NALF1: variants seen among roughly 807,000 people sequenced by gnomAD.
NALF1 encodes NALCN channel auxiliary factor 1.
A neutral mutation model predicts 48.4 loss-of-function variants in NALF1; 3 were observed. The ratio of observed to expected loss-of-function variants is 0.06; its 90% confidence interval spans 0.03 to 0.16. The LOEUF (loss-of-function observed/expected upper bound fraction) is 0.16, where lower values mean the gene tolerates loss of function less well. Ranked by LOEUF, NALF1 falls within the 10% of genes least tolerant of loss-of-function variation. The pLI is 1.00. For synonymous variants in NALF1, 262 were observed against 245.7 expected, an observed-to-expected ratio of 1.07 and a Z score of -0.62; for missense variants, 526 against 571.5, an observed-to-expected ratio of 0.92 and a Z score of 0.81.
chr13:107,808,672 A>ATT (rs1352681268), intron 1 of NALF1, among the ~76,000 whole-genome samples: 6 of 129,690 alleles, frequency 4.6e-5, no homozygotes, highest in East Asian at 3.9e-4. Flanking sequence ...ACAGATTTAA[A>ATT]AAAAAAAAAA....
intron 1 of NALF1, among the ~76,000 whole-genome samples, chr13:107,507,389 A>G (rs1397081925): frequency 6.6e-6 from 1 of 151,944 alleles, no homozygotes; most frequent in Non-Finnish European, 1.5e-5. Flanking sequence ...ACTAGCCCAG[A>G]GGAGATTCAT....
intron 1 of NALF1, among the ~76,000 whole-genome samples, chr13:107,685,034 G>A (rs1412957617): frequency 6.6e-6 from 1 of 152,224 alleles, no homozygotes; most frequent in Non-Finnish European, 1.5e-5. Flanking sequence ...AAACAAGAAG[G>A]CTGGGTGCAG....
intron 1 of NALF1, among the ~76,000 whole-genome samples, chr13:107,797,350 C>T (rs1046638841): frequency 6.6e-6 from 1 of 152,092 alleles, no homozygotes; most frequent in Non-Finnish European, 1.5e-5. Context: ...GGAATACAGG[C>T]GCCCACCACC....
At chr13:107,388,768 G>A (rs1054708747) in intron 1 of NALF1, among the ~76,000 whole-genome samples, 1 of 152,006 alleles carries the variant, frequency 6.6e-6, no homozygotes, top group Non-Finnish European at 1.5e-5. Context: ...AGCCTAGAAA[G>A]GGCATCAATC....
At chr13:107,330,617 C>A (rs1403217109) in intron 1 of NALF1, among the ~76,000 whole-genome samples, 1 of 152,224 alleles carries the variant, frequency 6.6e-6, no homozygotes, top group Non-Finnish European at 1.5e-5. Flanking sequence ...CACATAAGGT[C>A]TTTTTCACAG....
At chr13:107,371,619 C>G (rs543883032) in intron 1 of NALF1, among the ~76,000 whole-genome samples, 1 of 152,218 alleles carries the variant, frequency 6.6e-6, no homozygotes, top group Admixed American at 6.5e-5. Context: ...GAGACTCTTT[C>G]AACAAAGATG....
intron 1 of NALF1, among the ~76,000 whole-genome samples, chr13:107,351,134 T>C (rs371444157): frequency 1.3e-5 from 2 of 152,316 alleles, no homozygotes; most frequent in African/African-American, 4.8e-5. Flanking sequence ...AGTCTGGTGA[T>C]AAATGCAAGA....
intron 1 of NALF1, among the ~76,000 whole-genome samples, chr13:107,337,043 CAAAAAAAAAAAAAAAAAAAAAAA>C (rs60969406): frequency 2.6e-5 from 3 of 114,830 alleles, no homozygotes; most frequent in East Asian, 5.3e-4. Flanking sequence ...TTTCATTCCC[CAAAAAAAAAAAAAAAAAAAAAAA>C]AAAAAAAAAA....
chr13:107,248,832 C>T (rs564635980), intron 1 of NALF1, among the ~76,000 whole-genome samples: 4 of 150,896 alleles, frequency 2.7e-5, no homozygotes, highest in African/African-American at 9.8e-5. Context: ...TCTCATAATA[C>T]AGAGTTCAGA....
chr13:107,684,736 T>A (rs1881391569), intron 1 of NALF1, among the ~76,000 whole-genome samples: 2 of 152,228 alleles, frequency 1.3e-5, no homozygotes, highest in Admixed American at 1.3e-4. Flanking sequence ...CTAACAACAA[T>A]GAGGAATTTT....
intron 1 of NALF1, among the ~76,000 whole-genome samples, chr13:107,492,814 C>T (rs1875187137): frequency 6.6e-6 from 1 of 151,964 alleles, no homozygotes; most frequent in African/African-American, 2.4e-5. Flanking sequence ...AAAACTGGTT[C>T]AATCAGAACT....
chr13:107,762,554 A>G (rs1489397598), intron 1 of NALF1, among the ~76,000 whole-genome samples: 1 of 152,130 alleles, frequency 6.6e-6, no homozygotes, highest in Non-Finnish European at 1.5e-5. Context: ...CTAGAAAGAC[A>G]TTGTGTATGG....
chr13:107,816,183 C>A (rs1275150627), intron 1 of NALF1, among the ~76,000 whole-genome samples: 5 of 152,180 alleles, frequency 3.3e-5, no homozygotes, highest in Non-Finnish European at 7.3e-5. Flanking sequence ...CCCAACACAG[C>A]AGAATGAAAA....
rs117487499 is a variant in NALF1 at position 107,759,488 on chromosome 13, G to A, written c.915+106194C>T. Among the ~76,000 whole-genome samples the A allele has an allele frequency of 9.9e-4, 150 of 152,230 alleles. 2 individuals are homozygous for A. In the East Asian group the frequency reaches 0.025, roughly 26 times the overall value. ...TTCCCACAGTGCTGGGATTACAGGC[G>A]TGGGCCACCGCACCCTGTCTTGTGT... On this transcript the variant is annotated intron_variant, in intron 1 of 2. Coordinates refer to ENST00000375915, the MANE Select transcript of NALF1 (RefSeq NM_001080396.3).
chr13:107,669,236 T>C (rs746679756), intron 1 of NALF1, among the ~76,000 whole-genome samples: 1 of 152,116 alleles, frequency 6.6e-6, no homozygotes, highest in Non-Finnish European at 1.5e-5. Context: ...ATGCTAGCCA[T>C]AGCTTTATTT....
intron 1 of NALF1, among the ~76,000 whole-genome samples, chr13:107,406,899 G>A (rs1883909441): frequency 6.6e-6 from 1 of 152,038 alleles, no homozygotes. Context: ...AAAACAGCAT[G>A]GGACTGGTAT....
At chr13:107,613,472 A>G (rs977190064) in intron 1 of NALF1, among the ~76,000 whole-genome samples, 1 of 152,204 alleles carries the variant, frequency 6.6e-6, no homozygotes. Context: ...CTCCAAAGTC[A>G]ATGGAATATA....
intron 1 of NALF1, among the ~76,000 whole-genome samples, chr13:107,791,786 C>A (rs867684822): frequency 7.9e-5 from 12 of 151,890 alleles, no homozygotes; most frequent in East Asian, 5.9e-4. Context: ...CCCGCCCCCC[C>A]CCGTCTCTAC....
intron 1 of NALF1, among the ~76,000 whole-genome samples, chr13:107,219,996 C>A (rs1756141304): frequency 6.6e-6 from 1 of 152,130 alleles, no homozygotes; most frequent in African/African-American, 2.4e-5. Flanking sequence ...ACTTCTTGGC[C>A]ATATTGTCAG....
Sources: gnomAD v4.1 joint callset for allele counts (sites outside exome capture counted in the v4.1 genomes callset) on GRCh38, gnomAD v4.1.1 for gene constraint, MANE v1.5 for transcripts, NCBI Gene and HGNC (gene_info 2026-07-23, HGNC 2026-07-21) for gene names.